The following TAFA2 variants were observed in gnomAD, a reference collection of about 807,000 sequenced individuals.
The protein encoded by TAFA2 is TAFA chemokine like family member 2.
TAFA2 carries 7 observed loss-of-function variants against 18.8 expected under a neutral mutation model. That is an observed-to-expected ratio of 0.37 (90% CI 0.21 to 0.70). The LOEUF (loss-of-function observed/expected upper bound fraction) is 0.70, where lower values mean the gene tolerates loss of function less well. Among genes scored for constraint, TAFA2 ranks in the 30% least tolerant of loss-of-function variants. The pLI, the probability that TAFA2 is intolerant of heterozygous loss-of-function variation, is 0.53. For synonymous variants in TAFA2, 60 were observed against 54.2 expected, an observed-to-expected ratio of 1.11 and a Z score of -0.47; for missense variants, 122 against 158.1, an observed-to-expected ratio of 0.77 and a Z score of 1.23.
chr12:62,099,068 T>C (rs1869073715), intron 1 of TAFA2, among the ~76,000 whole-genome samples: 1 of 152,176 alleles, frequency 6.6e-6, no homozygotes, highest in Admixed American at 6.5e-5. Context: ...TTTAATCCAG[T>C]ACATGTCATA....
chr12:61,781,330 T>G (rs1870493937), intron 2 of TAFA2, among the ~76,000 whole-genome samples: 1 of 151,750 alleles, frequency 6.6e-6, no homozygotes, highest in Admixed American at 6.6e-5. Context: ...AGGTTCTGCC[T>G]CATCTACCTC....
At chr12:61,813,336 G>A (rs1013226100) in intron 2 of TAFA2, among the ~76,000 whole-genome samples, 2 of 151,166 alleles carry the variant, frequency 1.3e-5, no homozygotes, top group Admixed American at 6.6e-5. Flanking sequence ...ATAAAATTAT[G>A]TATCTTTTTC....
At chr12:61,742,096 T>C (rs1490164905) in intron 4 of TAFA2, among the ~76,000 whole-genome samples, 2 of 152,114 alleles carry the variant, frequency 1.3e-5, no homozygotes, top group African/African-American at 2.4e-5. Flanking sequence ...GGTTTCACCA[T>C]GTTGGCCTGG....
At chr12:61,740,238 C>G (rs1043705291) in intron 4 of TAFA2, among the ~76,000 whole-genome samples, 20 of 151,688 alleles carry the variant, frequency 1.3e-4, no homozygotes, top group Non-Finnish European at 2.5e-4. Context: ...AACAGAAAAC[C>G]AAAACACCAC....
At chr12:61,972,162 G>A (rs1879272179) in intron 1 of TAFA2, among the ~76,000 whole-genome samples, 1 of 151,552 alleles carries the variant, frequency 6.6e-6, no homozygotes, top group Non-Finnish European at 1.5e-5. Context: ...CTGTCATGGA[G>A]GTTTGTTGTA....
At chr12:61,868,845 C>T (rs933790756) in intron 1 of TAFA2, among the ~76,000 whole-genome samples, 17 of 152,014 alleles carry the variant, frequency 1.1e-4, no homozygotes, top group Non-Finnish European at 1.8e-4. Context: ...GGTTTGAGTC[C>T]AAACTTTAAT....
chr12:61,850,727 A>C (rs1235499155), intron 2 of TAFA2, among the ~76,000 whole-genome samples: 3 of 152,102 alleles, frequency 2.0e-5, no homozygotes, highest in African/African-American at 7.2e-5. Flanking sequence ...TTACAGTGAA[A>C]GATTATTCAT....
chr12:62,021,235 C>T (rs974334958), intron 1 of TAFA2, among the ~76,000 whole-genome samples: 1 of 152,058 alleles, frequency 6.6e-6, no homozygotes, highest in African/African-American at 2.4e-5. Context: ...GGACACATAG[C>T]CCAAATTGTG....
chr12:61,906,060 T>C (rs1876336054), intron 1 of TAFA2, among the ~76,000 whole-genome samples: 2 of 152,200 alleles, frequency 1.3e-5, no homozygotes, highest in African/African-American at 4.8e-5. Context: ...TGGTCCTTAA[T>C]GGATTGTCAA....
At chr12:61,760,763 C>A (rs1869507276) in intron 2 of TAFA2, among the ~76,000 whole-genome samples, 1 of 150,996 alleles carries the variant, frequency 6.6e-6, no homozygotes, top group Non-Finnish European at 1.5e-5. Context: ...ACAAAATAGG[C>A]TTCACAGAAG....
chr12:62,068,848 T>A (rs1882557441), intron 1 of TAFA2, among the ~76,000 whole-genome samples: 1 of 152,088 alleles, frequency 6.6e-6, no homozygotes, highest in Admixed American at 6.6e-5. Flanking sequence ...TCATAGACAA[T>A]CATTTAAAAG....
chr12:62,208,849 G>A (rs1037162725), intron 1 of TAFA2, among the ~76,000 whole-genome samples: 1 of 152,084 alleles, frequency 6.6e-6, no homozygotes, highest in Non-Finnish European at 1.5e-5. Context: ...CCCAGAATTA[G>A]TCCTCCTTCA....
intron 1 of TAFA2, among the ~76,000 whole-genome samples, chr12:62,222,120 A>C (rs1443237112): frequency 6.6e-6 from 1 of 152,312 alleles, no homozygotes; most frequent in African/African-American, 2.4e-5. Context: ...GGGTGAAGAG[A>C]GACATTGCAT....
intron 1 of TAFA2, among the ~76,000 whole-genome samples, chr12:61,982,003 C>T (rs930990905): frequency 7.2e-5 from 11 of 152,052 alleles, no homozygotes; most frequent in Admixed American, 3.3e-4. Context: ...ATGTTCACTG[C>T]GGCACTATTC....
At chr12:61,866,470 T>G (rs1332999213) in intron 2 of TAFA2, among the ~76,000 whole-genome samples, 4 of 152,210 alleles carry the variant, frequency 2.6e-5, no homozygotes, top group Non-Finnish European at 5.9e-5. Flanking sequence ...GAGAACTAAA[T>G]TATAAAATCA....
intron 2 of TAFA2, among the ~76,000 whole-genome samples, chr12:61,838,682 T>C (rs956042932): frequency 3.9e-5 from 6 of 151,950 alleles, no homozygotes; most frequent in Non-Finnish European, 7.4e-5. Context: ...GATTGAAAAA[T>C]GTGCTCTTTC....
chr12:61,836,732 G>GATATATATATATATATATAT (rs3034054), intron 2 of TAFA2, among the ~76,000 whole-genome samples: 3 of 112,788 alleles, frequency 2.7e-5, no homozygotes, highest in Non-Finnish European at 5.8e-5. Context: ...TTGCCAATTT[G>GATATATATATATATATATAT]ATATATATAT....
At chr12:61,759,220 G>A (rs1047340486) in intron 2 of TAFA2, among the ~76,000 whole-genome samples, 5 of 152,012 alleles carry the variant, frequency 3.3e-5, no homozygotes, top group Non-Finnish European at 7.4e-5. Context: ...CAAAGTAACT[G>A]TGGCATTCAC....
At chr12:62,013,265 A>G (rs1880827507) in intron 1 of TAFA2, among the ~76,000 whole-genome samples, 1 of 152,204 alleles carries the variant, frequency 6.6e-6, no homozygotes, top group African/African-American at 2.4e-5. Context: ...ATTTACCATA[A>G]GGGCAGCACA....
Sources: allele counts gnomAD v4.1 joint callset (sites outside exome capture counted in the v4.1 genomes callset), GRCh38; gene constraint gnomAD v4.1.1; transcripts MANE v1.5; gene names NCBI Gene and HGNC (gene_info 2026-07-23, HGNC 2026-07-21).